KLRG2: variants seen among roughly 807,000 people sequenced by gnomAD.
The protein encoded by KLRG2 is killer cell lectin like receptor G2.
KLRG2 carries 39 observed loss-of-function variants against 35.4 expected under a neutral mutation model. The observed-to-expected ratio is 1.10, with a 90% CI of 0.85 to 1.44. KLRG2 has a LOEUF of 1.44. KLRG2 is among the 40% of genes most tolerant of loss of function. The pLI, the probability that KLRG2 is intolerant of heterozygous loss-of-function variation, is 0.00. For missense variants in KLRG2, 632 were observed against 570.9 expected (o/e 1.11, Z -1.09); for synonymous variants, 283 against 265.8 (o/e 1.06, Z -0.63).
intron 3 of KLRG2, among the ~76,000 whole-genome samples, chr7:139,455,502 T>C (rs577534333): frequency 6.6e-6 from 1 of 152,102 alleles, no homozygotes; most frequent in African/African-American, 2.4e-5. Flanking sequence ...TTTGTATTTT[T>C]AGTAGAGATG....
At chr7:139,467,778 C>T (rs530095648) in intron 3 of KLRG2, among the ~76,000 whole-genome samples, 1 of 151,894 alleles carries the variant, frequency 6.6e-6, no homozygotes, top group Admixed American at 6.5e-5. Context: ...GAAATATGGC[C>T]TCATGGGAAG....
chr7:139,460,088 G>T (rs1190939599), intron 3 of KLRG2, among the ~76,000 whole-genome samples: 2 of 152,148 alleles, frequency 1.3e-5, no homozygotes, highest in African/African-American at 4.8e-5. Flanking sequence ...GTTTCACCAT[G>T]TTGGCCAGGC....
intron 4 of KLRG2, 121 bp downstream of exon 4, chr7:139,453,990 A>T: frequency 1.4e-6 from 1 of 725,676 alleles, no homozygotes; most frequent in East Asian, 2.7e-5. Flanking sequence ...GGCCGCGAGC[A>T]TGGGCGTGGG....
At chr7:139,460,620 A>C (rs2116439635) in intron 3 of KLRG2, among the ~76,000 whole-genome samples, 1 of 151,982 alleles carries the variant, frequency 6.6e-6, no homozygotes, top group African/African-American at 2.4e-5. Context: ...CCATGATCAC[A>C]ACACTGCACT....
chr7:139,427,270 C>T, the KLRG2 span, among the ~76,000 whole-genome samples: 2 of 152,232 alleles, frequency 1.3e-5, no homozygotes, highest in Non-Finnish European at 2.9e-5. Flanking sequence ...GGTCAGCAGG[C>T]AGCACACTGG....
Position 139,453,457 on chromosome 7 carries a change from G to T in KLRG2, c.*130C>A. The stretch of plus-strand genomic sequence containing the variant: ...GTCCAGCTCCTAGGCTCGCTCATGT[G>T]GCCCCCTTGAGCAGAGCATGAAGAC... On this transcript the variant is annotated 3_prime_UTR_variant, in exon 5 of 5. Transcript: ENST00000340940. 1.1e-6 allele frequency: 1 copy of T among 932,054 alleles called. No homozygotes were observed. Among genetic ancestry groups the T allele is most frequent in the Non-Finnish European group, 1.6e-6 (1 of 633,678 alleles). 57.7% of individuals were successfully genotyped at this position (932,054 alleles called of 1,614,324 possible).
intron 3 of KLRG2, among the ~76,000 whole-genome samples, chr7:139,474,674 T>C (rs2116470452): frequency 6.6e-6 from 1 of 152,152 alleles, no homozygotes; most frequent in East Asian, 1.9e-4. Flanking sequence ...GGCAGGAGAA[T>C]TGCTTGAATC....
chr7:139,439,601 C>G, the KLRG2 span, among the ~76,000 whole-genome samples: 2 of 151,756 alleles, frequency 1.3e-5, no homozygotes, highest in African/African-American at 2.4e-5. Context: ...CTCTTTTTGC[C>G]CAAGCTGCCA....
chr7:139,454,458 G>A lies in KLRG2; in HGVS notation c.1006-244C>T, dbSNP rs149533611. Among the ~76,000 whole-genome samples the A allele has an allele frequency of 8.5e-5, 13 of 152,216 alleles. No individual in the cohort carries two copies. The East Asian group carries it at 2.1e-3, about 25-fold the overall frequency. ...CCGTCTCAGCCAAAGGGATGTGAACGCCAAACACCACTAAGTGATGCTCAG... is the reference window on the plus strand; with the variant it reads ...CCGTCTCAGCCAAAGGGATGTGAACACCAAACACCACTAAGTGATGCTCAG... On this transcript the variant is annotated intron_variant, in intron 3 of 4. Transcript: ENST00000340940.
chr7:139,431,013 G>GAA, the KLRG2 span, among the ~76,000 whole-genome samples: 34,177 of 91,998 alleles, frequency 0.37, 5,554 homozygotes, highest in African/African-American at 0.46. Context: ...CCCTGTCTCA[G>GAA]AAAAAAAAAA....
Position 139,483,131 on chromosome 7 carries a change from A to T in KLRG2, c.512T>A (p.Leu171His). 4.0e-6 allele frequency: 6 copies of T among 1,484,966 alleles called. No homozygotes were observed. Among genetic ancestry groups the T allele is most frequent in the Non-Finnish European group, 5.3e-6 (6 of 1,125,484 alleles). 92.0% of individuals were successfully genotyped at this position (1,484,966 alleles called of 1,614,324 possible). ...FSRHADPAHQ[L>H]LLRAPSQGGT... is the part of the protein sequence containing the mutation. ...GCCCTGGGATGGTGCGCGCAGCAGG[A>T]GCTGGTGCGCCGGGTCCGCGTGGCG... is the stretch of plus-strand genomic sequence containing the variant. Residue 171 changes from leucine to histidine, a missense_variant, in exon 1 of 5, where the codon CTC becomes CAC. Transcript: ENST00000340940.
At position 139,483,435 on chromosome 7, in the gene KLRG2, GC is replaced by G; in HGVS notation, c.207del (p.Lys69AsnfsTer58). On this transcript the variant is annotated frameshift_variant, in exon 1 of 5. Transcript: ENST00000340940. LOFTEE classifies it high-confidence loss of function. ...GGGGACCCGGGGCGAGGCGAAGGCG[GC>G]TTTTTCTTGCTCGAGGGCTCCAGGC... Reference protein sequence around the residue: ...GAGLEPSSKKKPPSPRPGSPR... With the variant: ...GAGLEPSSKKXPPSPRPGSPR... 1 of 1,570,434 alleles carries G rather than the reference GC, an allele frequency of 6.4e-7. No homozygotes were observed. The highest frequency in any genetic ancestry group is 8.6e-7 in the Non-Finnish European group (1 of 1,168,942).
At chr7:139,468,293 CTG>C (rs1355456095) in intron 3 of KLRG2, among the ~76,000 whole-genome samples, 4 of 148,392 alleles carry the variant, frequency 2.7e-5, no homozygotes, top group African/African-American at 1.1e-4. Flanking sequence ...TACTTTGTCT[CTG>C]TGTCTTTTTC....
At chr7:139,458,149 G>A (rs1388578819) in intron 3 of KLRG2, among the ~76,000 whole-genome samples, 1 of 152,124 alleles carries the variant, frequency 6.6e-6, no homozygotes, top group Non-Finnish European at 1.5e-5. Context: ...AGGCTGAGGA[G>A]GGCAGATCAC....
chr7:139,482,967 GC>G lies in KLRG2; in HGVS notation c.675del (p.Leu226TrpfsTer24). 1 of 1,438,932 alleles carries G rather than the reference GC, an allele frequency of 6.9e-7. No individual in the cohort carries two copies. Among genetic ancestry groups the G allele is most frequent in the Admixed American group, 3.0e-5 (1 of 33,130 alleles). The allele number at this position is 1,438,932 out of a possible 1,614,324, so 89.1% of individuals were successfully genotyped here. A position where few individuals can be genotyped will look rare whatever the true frequency, so the allele number is the denominator to read the frequency against. On this transcript the variant is annotated frameshift_variant, in exon 1 of 5. Coordinates refer to ENST00000340940, the MANE Select transcript of KLRG2 (RefSeq NM_198508.4). LOFTEE classifies it high-confidence loss of function. ...SPTCCRCKEL[G>X]LEKEDAALLP... The stretch of plus-strand genomic sequence containing the variant: ...AACAGCGCCGCATCCTCCTTCTCCA[GC>G]CCCAGCTCCTTGCAGCGGCAGCACG...
chr7:139,439,461 A>G, the KLRG2 span, among the ~76,000 whole-genome samples: 1 of 152,122 alleles, frequency 6.6e-6, no homozygotes, highest in Non-Finnish European at 1.5e-5. Context: ...GTGCAGTTAG[A>G]GGCGAGGTTT....
At chr7:139,438,168 T>G in the KLRG2 span, among the ~76,000 whole-genome samples, 1 of 152,230 alleles carries the variant, frequency 6.6e-6, no homozygotes, top group African/African-American at 2.4e-5. Context: ...AACTTGCAGA[T>G]GTAGGGGAGC....
At chr7:139,474,501 G>A (rs1796815015) in intron 3 of KLRG2, among the ~76,000 whole-genome samples, 1 of 152,136 alleles carries the variant, frequency 6.6e-6, no homozygotes, top group Non-Finnish European at 1.5e-5. Flanking sequence ...GCTAACACTT[G>A]TAATCCCAGA....
At chr7:139,460,883 C>T (rs901359823) in intron 3 of KLRG2, among the ~76,000 whole-genome samples, 2 of 151,938 alleles carry the variant, frequency 1.3e-5, no homozygotes, top group African/African-American at 2.4e-5. Flanking sequence ...CGCTTGAACC[C>T]GGGAGGCAGA....
Sources: gnomAD v4.1 joint callset for allele counts (sites outside exome capture counted in the v4.1 genomes callset) on GRCh38, gnomAD v4.1.1 for gene constraint, MANE v1.5 for transcripts, NCBI Gene and HGNC (gene_info 2026-07-23, HGNC 2026-07-21) for gene names.